PHEX: variants seen among roughly 807,000 people sequenced by gnomAD.
PHEX encodes phosphate regulating endopeptidase X-linked, also known as phosphate-regulating neutral endopeptidase PHEX.
Under a neutral mutation model 68.0 loss-of-function variants are expected in PHEX, and 16 were observed. The ratio of observed to expected loss-of-function variants is 0.24; its 90% CI spans 0.16 to 0.36. The LOEUF (loss-of-function observed/expected upper bound fraction) is 0.36. Ranked by LOEUF, PHEX falls within the 10% of genes least tolerant of loss-of-function variation. PHEX has a pLI of 1.00. For synonymous variants in PHEX, 208 were observed against 205.1 expected (o/e 1.01, Z -0.12); for missense variants, 480 against 575.5 (o/e 0.83, Z 1.70).
At chrX:22,077,853 G>A (rs763587919) in intron 5 of PHEX, 151 bp downstream of exon 5, 12 of 492,769 alleles carry the variant, frequency 2.4e-5, no homozygotes, top group African/African-American at 4.7e-5. Flanking sequence ...CCCTTCTCCC[G>A]GCTTTGCAGA....
At chrX:22,122,656 G>A (rs1013086600) in intron 11 of PHEX, among the ~76,000 whole-genome samples, 1 of 111,988 alleles carries the variant, frequency 8.9e-6, no homozygotes, top group African/African-American at 3.2e-5. Context: ...AGTTACTGCT[G>A]ATGCATCTGG....
chrX:22,111,418 C>A, intron 9 of PHEX, 49 bp from the exon 10 acceptor site: 1 of 965,725 alleles, frequency 1.0e-6, no homozygotes, highest in Non-Finnish European at 1.5e-6. Context: ...TGCAGAGCAT[C>A]AGATATTGAC....
At chrX:22,175,076 T>C (rs1233800040) in intron 13 of PHEX, among the ~76,000 whole-genome samples, 1 of 111,803 alleles carries the variant, frequency 8.9e-6, no homozygotes, top group Non-Finnish European at 1.9e-5. Flanking sequence ...ACTTAACCTG[T>C]CTCAAGGAAA....
intron 15 of PHEX, 38 bp downstream of exon 15, chrX:22,190,540 T>C (rs779372748): frequency 1.1e-6 from 1 of 934,848 alleles, no homozygotes; most frequent in South Asian, 1.9e-5. Flanking sequence ...TAACCTGGTA[T>C]AAAATGCAAA....
At position 22,099,460 on chromosome X, in the gene PHEX, G is replaced by C. The variant is rs1237219530; in HGVS notation, c.1079+309G>C. The C allele has an allele frequency of 4.5e-5, 10 of 223,455 alleles. No homozygotes were observed. In the East Asian group the frequency reaches 8.2e-4, roughly 18 times the overall value. The allele number at this position is 223,455 out of a possible 1,213,427, so 18.4% of individuals were successfully genotyped here. ...AATGATGTTATTTTCTAAAATGTCT[G>C]TGTGAACATCTTTTTTTTTCCCCAG... is the stretch of plus-strand genomic sequence containing the variant. On this transcript the variant is annotated intron_variant, in intron 9 of 21. Coordinates refer to ENST00000379374, the MANE Select transcript of PHEX (RefSeq NM_000444.6).
intron 11 of PHEX, among the ~76,000 whole-genome samples, chrX:22,127,738 T>C (rs949138499): frequency 9.5e-6 from 1 of 105,140 alleles, no homozygotes; most frequent in Non-Finnish European, 1.9e-5. Flanking sequence ...AGGTGGGGGA[T>C]GGTGTGGGGA....
At chrX:22,214,877 C>T (rs1197024884) in intron 16 of PHEX, among the ~76,000 whole-genome samples, 1 of 111,717 alleles carries the variant, frequency 9.0e-6, no homozygotes, top group East Asian at 2.8e-4. Flanking sequence ...TAATAATATC[C>T]CAGGCCTCAG....
intron 8 of PHEX, 136 bp downstream of exon 8, chrX:22,097,174 T>A: frequency 1.9e-6 from 1 of 533,810 alleles, no homozygotes; most frequent in South Asian, 2.6e-5. Flanking sequence ...AACAATCACA[T>A]AAAATATCCC....
At chrX:22,141,234 A>G (rs186172528) in intron 12 of PHEX, among the ~76,000 whole-genome samples, 86 of 111,558 alleles carry the variant, frequency 7.7e-4, no homozygotes, top group African/African-American at 2.7e-3. Context: ...ATGCAGCCCA[A>G]GTATGAGAAC....
chrX:22,238,490 TG>T (rs759978889), intron 20 of PHEX, among the ~76,000 whole-genome samples: 6 of 111,667 alleles, frequency 5.4e-5, no homozygotes, highest in Non-Finnish European at 1.1e-4. Flanking sequence ...CCCACCCCCA[TG>T]GAGCCCAGCA....
At chrX:22,144,714 A>G (rs5904508) in intron 12 of PHEX, among the ~76,000 whole-genome samples, 51,720 of 106,591 alleles carry the variant, frequency 0.49, 9,707 homozygotes, top group East Asian at 0.81. Flanking sequence ...GCAGTTTCCT[A>G]TAATTATCTC....
chrX:22,119,975 G>A, intron 11 of PHEX, among the ~76,000 whole-genome samples: 1 of 111,144 alleles, frequency 9.0e-6, no homozygotes, highest in Non-Finnish European at 1.9e-5. Context: ...GTCCATGGAG[G>A]GCAGGTGAAG....
chrX:22,211,467 A>G (rs1187946807), intron 15 of PHEX, among the ~76,000 whole-genome samples: 1 of 112,483 alleles, frequency 8.9e-6, no homozygotes, highest in Admixed American at 9.4e-5. Context: ...TGCAAACATA[A>G]GAGCATTTAA....
Position 22,094,950 on chromosome X carries a change from A to G in PHEX, c.849+851A>G, listed in dbSNP as rs192797749. Among the ~76,000 whole-genome samples the G allele has an allele frequency of 8.6e-4, 97 of 112,277 alleles. 1 individual carries two copies. The highest frequency in any genetic ancestry group is 3.0e-3 in the African/African-American group (94 of 30,953). On this transcript the variant is annotated intron_variant, in intron 7 of 21. Coordinates refer to ENST00000379374, the MANE Select transcript of PHEX (RefSeq NM_000444.6). ...AAATCTGCTTCTGGGGAAACCCTGT[A>G]GTGAAAAAAATGATACTTTTTACCA... is the stretch of plus-strand genomic sequence containing the variant.
At chrX:22,128,829 T>C (rs1931850400) in intron 11 of PHEX, among the ~76,000 whole-genome samples, 1 of 98,603 alleles carries the variant, frequency 1.0e-5, no homozygotes, top group African/African-American at 3.6e-5. Flanking sequence ...TCCCCCCTTA[T>C]CTGAGACAGA....
intron 17 of PHEX, among the ~76,000 whole-genome samples, chrX:22,220,898 C>T (rs745345271): frequency 8.9e-6 from 1 of 112,348 alleles, no homozygotes; most frequent in Non-Finnish European, 1.9e-5. Flanking sequence ...GACAGTCTAG[C>T]AGCATCCAAA....
chrX:22,098,299 G>C (rs1930240392), intron 8 of PHEX, among the ~76,000 whole-genome samples: 1 of 107,580 alleles, frequency 9.3e-6, no homozygotes. Flanking sequence ...GAGGAAGAAA[G>C]AGTATAGAAT....
intron 15 of PHEX, among the ~76,000 whole-genome samples, chrX:22,210,115 C>G (rs1934872412): frequency 1.8e-5 from 2 of 111,413 alleles, no homozygotes; most frequent in Non-Finnish European, 1.9e-5. Flanking sequence ...TTGAGTTGAC[C>G]CTGTAGGATT....
chrX:22,114,748 A>C (rs1931158902), intron 11 of PHEX, among the ~76,000 whole-genome samples, 162 bp downstream of exon 11: 1 of 111,948 alleles, frequency 8.9e-6, no homozygotes, highest in Admixed American at 9.5e-5. Flanking sequence ...AAGGTCATCA[A>C]ACGAGAGTGA....
Sources: allele counts gnomAD v4.1 joint callset (sites outside exome capture counted in the v4.1 genomes callset), GRCh38; gene constraint gnomAD v4.1.1; transcripts MANE v1.5; gene names NCBI Gene and HGNC (gene_info 2026-07-23, HGNC 2026-07-21).